The following CCDC141 variants were observed in gnomAD, a reference collection of about 807,000 sequenced individuals.
CCDC141 encodes coiled-coil domain containing 141.
Under a neutral mutation model 181.0 loss-of-function variants are expected in CCDC141, and 168 were observed. The ratio of observed to expected loss-of-function variants is 0.93; its 90% CI spans 0.82 to 1.05. The LOEUF (loss-of-function observed/expected upper bound fraction) is 1.05, where lower values mean the gene tolerates loss of function less well. CCDC141 is among the 50% of genes least tolerant of loss of function. CCDC141 has a pLI of 0.00. For missense variants in CCDC141, 1,902 were observed against 1,788.5 expected, an observed-to-expected ratio of 1.06 and a Z score of -1.14; for synonymous variants, 666 against 642.3, an observed-to-expected ratio of 1.04 and a Z score of -0.56.
At chr2:179,015,775 TCA>T in intron 2 of CCDC141, among the ~76,000 whole-genome samples, 1 of 138,340 alleles carries the variant, frequency 7.2e-6, no homozygotes, top group Admixed American at 7.5e-5. Context: ...CATATATATC[TCA>T]TATATGTATC....
chr2:178,869,727 G>A (rs555440548), intron 14 of CCDC141, among the ~76,000 whole-genome samples: 2 of 152,226 alleles, frequency 1.3e-5, no homozygotes, highest in Admixed American at 1.3e-4. Flanking sequence ...ATATATCAGG[G>A]GAATAACTTG....
intron 2 of CCDC141, among the ~76,000 whole-genome samples, chr2:178,983,928 AG>A (rs1236215226): frequency 6.6e-6 from 1 of 150,502 alleles, no homozygotes; most frequent in African/African-American, 2.4e-5. Flanking sequence ...CAATCTAGCA[AG>A]GCAGGCCAAC....
At chr2:178,980,599 C>A (rs147993526) in intron 2 of CCDC141, among the ~76,000 whole-genome samples, 183 of 152,214 alleles carry the variant, frequency 1.2e-3, no homozygotes, top group African/African-American at 3.9e-3. Context: ...TTTTTACGTG[C>A]CCTTGCTCTA....
At chr2:178,955,471 T>C (rs892870075) in intron 5 of CCDC141, among the ~76,000 whole-genome samples, 1 of 152,176 alleles carries the variant, frequency 6.6e-6, no homozygotes, top group Non-Finnish European at 1.5e-5. Flanking sequence ...TATTTCCTCA[T>C]TAATACTGTT....
chr2:178,882,351 A>G (rs6748215), intron 11 of CCDC141, among the ~76,000 whole-genome samples: 103,521 of 152,048 alleles, frequency 0.68, 35,558 homozygotes, highest in East Asian at 0.9. Flanking sequence ...CGTGGGCAAC[A>G]AGAGCGAAAC....
chr2:178,865,809 G>C lies in CCDC141; in HGVS notation c.2682C>G (p.Ser894=). 5.0e-6 allele frequency: 8 copies of C among 1,603,908 alleles called. No individual in the cohort carries two copies. The highest frequency in any genetic ancestry group is 6.8e-6 in the Non-Finnish European group (8 of 1,175,078). The change falls in exon 17 of 24, where the codon TCC becomes TCG. Residue 894 remains serine, a synonymous_variant. Coordinates refer to ENST00000443758, the MANE Select transcript of CCDC141 (RefSeq NM_173648.4). The part of the protein sequence containing the change: ...AKAEEYGRTL[S]RSVEYCAMRD... ...TCATGGCGCAGTACTCCACACTACG[G>C]GACAGGGTCCGTCCATACTCCTCAG...
intron 4 of CCDC141, among the ~76,000 whole-genome samples, chr2:178,965,042 T>C (rs1252719792): frequency 6.6e-6 from 1 of 152,216 alleles, no homozygotes; most frequent in African/African-American, 2.4e-5. Flanking sequence ...TTTAAGATGG[T>C]ATAATAGGTA....
In CCDC141 at chr2:178,975,107, C is replaced by A. The variant is rs1014065726; in HGVS notation, c.476G>T (p.Ser159Ile). The A allele has an allele frequency of 7.8e-6, 12 of 1,529,726 alleles. No homozygotes were observed. Among genetic ancestry groups the A allele is most frequent in the Non-Finnish European group, 9.7e-6 (11 of 1,131,456 alleles). The allele number at this position is 1,529,726 out of a possible 1,614,324, so 94.8% of individuals were successfully genotyped here. A position where few individuals can be genotyped will look rare whatever the true frequency, so the allele number is the denominator to read the frequency against. ...DFLQNTHEFE[S>I]AESLKSLLQL... is the part of the protein sequence containing the mutation. ...AAGAAGTGATTTTAAGGACTCAGCA[C>A]TCTCAAACTCATGAGTATTCTGGAG... Residue 159 changes from serine to isoleucine, a missense_variant, in exon 4 of 24, where the codon AGT becomes ATT. Physicochemically the swap from Ser to Ile is moderately radical, Grantham distance 142 (BLOSUM62 -2). Transcript: ENST00000443758.
intron 2 of CCDC141, among the ~76,000 whole-genome samples, chr2:179,033,004 TATATA>T (rs2043041386): frequency 1.4e-5 from 2 of 147,462 alleles, no homozygotes; most frequent in Non-Finnish European, 3.0e-5. Flanking sequence ...ATTATATATA[TATATA>T]ATATATAATA....
intron 2 of CCDC141, among the ~76,000 whole-genome samples, chr2:178,982,527 T>A (rs1017122677): frequency 1.3e-5 from 2 of 151,980 alleles, no homozygotes; most frequent in African/African-American, 2.4e-5. Flanking sequence ...AGAAGACGGG[T>A]GATTTCTGCA....
At chr2:179,025,684 G>A (rs998284572) in intron 2 of CCDC141, among the ~76,000 whole-genome samples, 1 of 152,168 alleles carries the variant, frequency 6.6e-6, no homozygotes, top group African/African-American at 2.4e-5. Context: ...CTGAAAATGT[G>A]GAAGTAACTT....
At chr2:178,933,084 A>G (rs1689159157) in intron 6 of CCDC141, among the ~76,000 whole-genome samples, 1 of 152,206 alleles carries the variant, frequency 6.6e-6, no homozygotes, top group East Asian at 1.9e-4. Context: ...AATATTTTCA[A>G]TGACTTGGAA....
intron 6 of CCDC141, among the ~76,000 whole-genome samples, chr2:178,921,846 C>A (rs1688704466): frequency 6.6e-6 from 1 of 152,170 alleles, no homozygotes; most frequent in Admixed American, 6.5e-5. Flanking sequence ...TAGTTCATTT[C>A]CTCTCTTTGT....
At chr2:179,022,827 G>A (rs1000100175) in intron 2 of CCDC141, among the ~76,000 whole-genome samples, 5 of 152,130 alleles carry the variant, frequency 3.3e-5, no homozygotes, top group African/African-American at 1.2e-4. Context: ...AGTAGACAGG[G>A]AAGCTAGCCA....
At position 179,046,969 on chromosome 2, in the gene CCDC141, T is replaced by C. The variant is rs375713469; in HGVS notation, c.225+315A>G. Among the ~76,000 whole-genome samples, 179 of 152,290 alleles carry C rather than the reference T, an allele frequency of 1.2e-3. 2 individuals are homozygous for C. Among genetic ancestry groups the C allele is most frequent in the Middle Eastern group, 6.8e-3 (2 of 294 alleles). On this transcript the variant is annotated intron_variant, in intron 2 of 23. Transcript: ENST00000443758. ...TTGTGGATCTGTTTTTGTGACTTGA[T>C]GGTGTAATGCATGAAATGAAAAAAT...
At chr2:178,987,571 T>G (rs1691815768) in intron 2 of CCDC141, among the ~76,000 whole-genome samples, 1 of 151,456 alleles carries the variant, frequency 6.6e-6, no homozygotes, top group African/African-American at 2.4e-5. Flanking sequence ...CCTACTCATC[T>G]GACAAAGGGC....
chr2:178,906,851 G>A (rs1056397244), intron 7 of CCDC141, among the ~76,000 whole-genome samples: 2 of 152,182 alleles, frequency 1.3e-5, no homozygotes, highest in African/African-American at 2.4e-5. Context: ...TAGAGGCTAT[G>A]GTCATGGAGG....
chr2:179,005,031 C>A (rs1026336646), intron 2 of CCDC141, among the ~76,000 whole-genome samples: 2 of 152,158 alleles, frequency 1.3e-5, no homozygotes, highest in African/African-American at 2.4e-5. Context: ...CGCCCCCGGC[C>A]TAAAGACTAA....
chr2:178,974,223 C>T (rs1281483080), intron 4 of CCDC141, among the ~76,000 whole-genome samples: 1 of 152,094 alleles, frequency 6.6e-6, no homozygotes, highest in African/African-American at 2.4e-5. Context: ...CCTTTTGGTC[C>T]TATCCAGAAT....
Sources: allele counts gnomAD v4.1 joint callset (sites outside exome capture counted in the v4.1 genomes callset), GRCh38; gene constraint gnomAD v4.1.1; transcripts MANE v1.5; gene names NCBI Gene and HGNC (gene_info 2026-07-23, HGNC 2026-07-21).